The following CNTN4 variants were observed in gnomAD, a reference collection of about 807,000 sequenced individuals.
CNTN4 encodes the protein contactin 4, also known as contactin-4.
CNTN4 carries 77 observed loss-of-function variants against 122.5 expected under a neutral mutation model. The ratio of observed to expected loss-of-function variants is 0.63; its 90% CI spans 0.52 to 0.76. CNTN4 has a LOEUF of 0.76. Ranked by LOEUF, CNTN4 falls within the 30% of genes least tolerant of loss-of-function variation. CNTN4 has a pLI of 0.00. For missense variants in CNTN4, 1,256 were observed against 1,259.1 expected, an observed-to-expected ratio of 1.00 and a Z score of 0.04; for synonymous variants, 512 against 447.0, an observed-to-expected ratio of 1.15 and a Z score of -1.83.
At chr3:2,728,594 C>T (rs560518564) in intron 4 of CNTN4, among the ~76,000 whole-genome samples, 154 of 152,318 alleles carry the variant, frequency 1.0e-3, no homozygotes, top group South Asian at 8.3e-4. Context: ...ATTACACACA[C>T]GGAGCATTTA....
At position 2,385,505 on chromosome 3, in the gene CNTN4, G is replaced by A. The variant is rs1293675675; in HGVS notation, c.-89+46272G>A. 6.6e-6 allele frequency among the ~76,000 whole-genome samples: 1 copy of A among 152,074 alleles called. No individual in the cohort carries two copies. Among genetic ancestry groups the A allele is most frequent in the Non-Finnish European group, 1.5e-5 (1 of 68,040 alleles). On this transcript the variant is annotated intron_variant, in intron 3 of 24. Coordinates refer to ENST00000418658, the MANE Select transcript of CNTN4 (RefSeq NM_175607.3). The surrounding 1 kb of genome is among the most constrained non-coding windows in gnomAD (Gnocchi z 4.0). ...TACCATACACAGGGTGACTTAAAAT[G>A]ACAGAAGTTTATTCTCTCACACTTC...
At position 2,935,052 on chromosome 3, in the gene CNTN4, ATGTT is replaced by A. The variant is rs1252831949; in HGVS notation, c.1358+9277_1358+9280del. ...GTTTAGGGAGATTGGTGTTTTAAAA[ATGTT>A]TGTCAGAATCCACAGGCCCAGTCCT... On this transcript the variant is annotated intron_variant, in intron 13 of 24. Coordinates refer to ENST00000418658, the MANE Select transcript of CNTN4 (RefSeq NM_175607.3). Among the ~76,000 whole-genome samples, 84 of 150,544 alleles carry A rather than the reference ATGTT, an allele frequency of 5.6e-4. 1 individual carries two copies. The highest frequency in any genetic ancestry group is 5.5e-3 in the Admixed American group (84 of 15,230).
At chr3:2,452,513 A>G (rs983273711) in intron 3 of CNTN4, among the ~76,000 whole-genome samples, 2 of 152,172 alleles carry the variant, frequency 1.3e-5, no homozygotes, top group Admixed American at 1.3e-4. Flanking sequence ...ATCCTCATCT[A>G]TAATTACAGT....
intron 4 of CNTN4, among the ~76,000 whole-genome samples, chr3:2,588,474 C>G (rs962593097): frequency 6.6e-6 from 1 of 152,094 alleles, no homozygotes; most frequent in South Asian, 2.1e-4. Flanking sequence ...TCAAGCTATT[C>G]TCCTGCCTCA....
At chr3:2,821,407 A>G (rs918148094) in intron 7 of CNTN4, among the ~76,000 whole-genome samples, 6 of 152,234 alleles carry the variant, frequency 3.9e-5, no homozygotes, top group African/African-American at 1.4e-4. Context: ...AACCAGATCA[A>G]ATGGGAAGAA....
chr3:2,956,587 A>G (rs2094801642), intron 13 of CNTN4, among the ~76,000 whole-genome samples: 1 of 152,084 alleles, frequency 6.6e-6, no homozygotes, highest in Non-Finnish European at 1.5e-5. Context: ...TAGGTAAATG[A>G]TGCTAATTTT....
chr3:2,934,947 G>A (rs984896453), intron 13 of CNTN4, among the ~76,000 whole-genome samples: 28 of 151,740 alleles, frequency 1.8e-4, no homozygotes, highest in East Asian at 5.8e-4. Context: ...ACTTCTTGCC[G>A]TTACTTCAGT....
Position 2,304,520 on chromosome 3 carries a change from G to A in CNTN4, c.-144-34658G>A, listed in dbSNP as rs79214231. Among the ~76,000 whole-genome samples the A allele has an allele frequency of 5.6e-3, 850 of 152,140 alleles. 13 individuals carry two copies. Among genetic ancestry groups the A allele is most frequent in the African/African-American group, 0.02 (818 of 41,522 alleles). Reference sequence around the variant, plus strand: ...AAGACAGACCAAAGGGAGGAAAGGGGTGTTATATCACTTATGAGGAAGACA... The same window carrying A: ...AAGACAGACCAAAGGGAGGAAAGGGATGTTATATCACTTATGAGGAAGACA... On this transcript the variant is annotated intron_variant, in intron 2 of 24. Transcript: ENST00000418658.
At chr3:2,221,347 T>G (rs1398180172) in intron 2 of CNTN4, among the ~76,000 whole-genome samples, 1 of 152,058 alleles carries the variant, frequency 6.6e-6, no homozygotes, top group Non-Finnish European at 1.5e-5. Flanking sequence ...TTTTAGCTGA[T>G]GTATAGCTCA....
intron 2 of CNTN4, among the ~76,000 whole-genome samples, chr3:2,330,209 G>A (rs929778205): frequency 6.6e-6 from 1 of 152,188 alleles, no homozygotes; most frequent in Non-Finnish European, 1.5e-5. Flanking sequence ...AAAGAATACA[G>A]ATGAACAGCC....
intron 24 of CNTN4, among the ~76,000 whole-genome samples, chr3:3,054,693 G>A (rs1701620745): frequency 1.3e-5 from 2 of 152,182 alleles, no homozygotes; most frequent in South Asian, 4.1e-4. Flanking sequence ...GCAGTGGCTG[G>A]TCAGTGGGGA....
intron 13 of CNTN4, among the ~76,000 whole-genome samples, chr3:2,984,219 G>A (rs1694336978): frequency 0.028 from 2 of 72 alleles, no homozygotes; most frequent in Non-Finnish European, 0.056. Flanking sequence ...AAAGCAGGAA[G>A]CAGGATGGAA....
At chr3:2,418,412 G>C (rs1407989119) in intron 3 of CNTN4, among the ~76,000 whole-genome samples, 4 of 151,978 alleles carry the variant, frequency 2.6e-5, no homozygotes, top group Admixed American at 6.6e-5. Flanking sequence ...TAAGACATAG[G>C]GTTCAAAACG....
intron 2 of CNTN4, among the ~76,000 whole-genome samples, chr3:2,296,696 C>T (rs979508048): frequency 1.3e-5 from 2 of 149,458 alleles, no homozygotes; most frequent in Non-Finnish European, 3.0e-5. Flanking sequence ...AACAAAAGGG[C>T]ACAAGAAGAA....
At position 3,040,225 on chromosome 3, in the gene CNTN4, A is replaced by G. The variant is rs749303485; in HGVS notation, c.2352A>G (p.Gly784=). The G allele has an allele frequency of 6.2e-7, 1 of 1,614,220 alleles. No homozygotes were observed. The highest frequency in any genetic ancestry group is 8.5e-7 in the Non-Finnish European group (1 of 1,180,012). Residue 784 remains glycine (G), a synonymous_variant, in exon 20 of 25, where the codon GGA becomes GGG. Coordinates refer to ENST00000418658, the MANE Select transcript of CNTN4 (RefSeq NM_175607.3). ...AAGTAGGTGTCTTCAACAACAAAGG[A>G]GAAGGCCCTTTCAGTCCCACCACGG... ...EVKVGVFNNK[G]EGPFSPTTVV...
Position 2,883,330 on chromosome 3 carries a change from G to T in CNTN4, c.755+83G>T, listed in dbSNP as rs913858645. 6 of 988,978 alleles carry T rather than the reference G, an allele frequency of 6.1e-6. No homozygotes were observed. In the African/African-American group the frequency reaches 9.6e-5, roughly 16 times the overall value. 61.3% of individuals were successfully genotyped at this position (988,978 alleles called of 1,614,324 possible). A position where few individuals can be genotyped will look rare whatever the true frequency, so the allele number is the denominator to read the frequency against. ...TTTTCTTGCACTGTTCACAGCGATG[G>T]TTTCTGAGGTGACGGAAAAGCAAGT... On this transcript the variant is annotated intron_variant, in intron 9 of 24. Coordinates refer to ENST00000418658, the MANE Select transcript of CNTN4 (RefSeq NM_175607.3).
At chr3:2,635,606 C>T (rs1416849726) in intron 4 of CNTN4, among the ~76,000 whole-genome samples, 1 of 152,166 alleles carries the variant, frequency 6.6e-6, no homozygotes, top group Non-Finnish European at 1.5e-5. Flanking sequence ...CACAGCAGGA[C>T]TTGTTAGTTG....
intron 3 of CNTN4, among the ~76,000 whole-genome samples, chr3:2,554,427 T>A (rs1379933897): frequency 6.6e-6 from 1 of 152,092 alleles, no homozygotes; most frequent in Non-Finnish European, 1.5e-5. Flanking sequence ...TTTCTCCAGT[T>A]TGTGGGTCAT....
At chr3:2,793,077 G>A (rs1051170110) in intron 6 of CNTN4, among the ~76,000 whole-genome samples, 1 of 152,106 alleles carries the variant, frequency 6.6e-6, no homozygotes, top group African/African-American at 2.4e-5. Context: ...CCACATGATA[G>A]GCAATGAAAT....
Sources: allele counts gnomAD v4.1 joint callset (sites outside exome capture counted in the v4.1 genomes callset), GRCh38; gene constraint gnomAD v4.1.1; non-coding constraint Gnocchi (gnomAD v3.1); transcripts MANE v1.5; gene names NCBI Gene and HGNC (gene_info 2026-07-23, HGNC 2026-07-21).